Variants in CLEC12A observed in about 807,000 individuals in gnomAD.
CLEC12A encodes C-type lectin protein CLL-1.
In CLEC12A, 22 loss-of-function variants were observed where a neutral mutation model predicts 26.5. The ratio of observed to expected loss-of-function variants is 0.83; its 90% CI spans 0.59 to 1.19. The LOEUF is 1.19. Among genes scored for constraint, CLEC12A ranks in the 50% most tolerant of loss-of-function variants. The pLI is 0.00. For missense variants in CLEC12A, 353 were observed against 315.6 expected (o/e 1.12, Z -0.90); for synonymous variants, 119 against 101.9 (o/e 1.17, Z -1.01).
chr12:9,992,670 T>A (rs1339333229), intron 4 of CLEC12A: 1 of 152,644 alleles, frequency 6.6e-6, no homozygotes, highest in East Asian at 1.9e-4. Flanking sequence ...TGTTCATGAT[T>A]GTAATTTAGT....
In CLEC12A at chr12:9,985,214, A is replaced by G; in HGVS notation, c.*188A>G. The G allele has an allele frequency of 1.8e-6, 1 of 544,498 alleles. No homozygotes were observed. The highest frequency in any genetic ancestry group is 3.5e-5 in the East Asian group (1 of 28,880). 33.7% of individuals were successfully genotyped at this position (544,498 alleles called of 1,614,324 possible). A position where few individuals can be genotyped will look rare whatever the true frequency, so the allele number is the denominator to read the frequency against. ...GTGAATGTTAATGCCAGAGAGGTATAATGAAGCATGTCCCACCTCCCACTT... is the reference window on the plus strand; with the variant it reads ...GTGAATGTTAATGCCAGAGAGGTATGATGAAGCATGTCCCACCTCCCACTT... On this transcript the variant is annotated 3_prime_UTR_variant, in exon 6 of 6. Transcript: ENST00000304361.
upstream of CLEC12A, among the ~76,000 whole-genome samples, chr12:9,967,165 T>A (rs1373955631): frequency 6.6e-6 from 1 of 151,030 alleles, no homozygotes; most frequent in Non-Finnish European, 1.5e-5. Flanking sequence ...GTCACATGGG[T>A]TTGTAGAAAA....
At chr12:9,981,945 T>G in intron 4 of CLEC12A, 75 bp from the exon 5 acceptor site, 1 of 723,974 alleles carries the variant, frequency 1.4e-6, no homozygotes, top group Non-Finnish European at 2.3e-6. Flanking sequence ...CAGCAATTTG[T>G]AAGAAATTAC....
chr12:9,997,830 A>G (rs1018993505), downstream of CLEC12A, among the ~76,000 whole-genome samples: 10 of 152,222 alleles, frequency 6.6e-5, no homozygotes, highest in Admixed American at 5.2e-4. Flanking sequence ...GAATTACAGA[A>G]AGAAGAAATG....
At chr12:9,972,603 T>C (rs1306031405) in intron 1 of CLEC12A, among the ~76,000 whole-genome samples, 1 of 152,008 alleles carries the variant, frequency 6.6e-6, no homozygotes, top group Non-Finnish European at 1.5e-5. Flanking sequence ...GTGCCAAAAT[T>C]CTCACATATT....
chr12:9,977,666 C>T (rs1335354277), intron 1 of CLEC12A, among the ~76,000 whole-genome samples: 1 of 152,168 alleles, frequency 6.6e-6, no homozygotes, highest in Non-Finnish European at 1.5e-5. Flanking sequence ...CTCTGCACAA[C>T]ATCGCCAAAT....
exon 5 of CLEC12A, chr12:9,995,509 C>G (rs1865021744): frequency 2.5e-6 from 1 of 398,328 alleles, no homozygotes; most frequent in African/African-American, 2.1e-5. Context: ...GTATTTAGAT[C>G]TTCAACCAGT....
downstream of CLEC12A, chr12:9,986,264 C>A (rs1454755729): frequency 6.8e-6 from 2 of 294,018 alleles, no homozygotes; most frequent in Non-Finnish European, 1.4e-5. Context: ...AGGGTACCAA[C>A]TAAAAATACG....
chr12:9,998,204 G>C (rs546107809), downstream of CLEC12A: 5 of 1,077,138 alleles, frequency 4.6e-6, no homozygotes, highest in African/African-American at 7.8e-5. Flanking sequence ...AGCGACCATT[G>C]AGAAGCTTAG....
chr12:9,968,584 G>T (rs1591819263), upstream of CLEC12A, among the ~76,000 whole-genome samples: 1 of 152,150 alleles, frequency 6.6e-6, no homozygotes, highest in South Asian at 2.1e-4. Flanking sequence ...CTTTTGTGGT[G>T]GAATGTCATC....
intron 1 of CLEC12A, among the ~76,000 whole-genome samples, chr12:9,977,292 C>A (rs1864376666): frequency 6.6e-6 from 1 of 152,138 alleles, no homozygotes; most frequent in African/African-American, 2.4e-5. Context: ...CATACTGTAA[C>A]AGATTTCTTA....
downstream of CLEC12A, chr12:9,997,083 T>C (rs1261020680): frequency 1.9e-6 from 3 of 1,609,012 alleles, no homozygotes; most frequent in Non-Finnish European, 2.5e-6. Flanking sequence ...TCTGCAGATC[T>C]CAAACTCCCT....
At chr12:9,997,165 G>C (rs1368520868), downstream of CLEC12A, 1 of 1,613,900 alleles carries the variant, frequency 6.2e-7, no homozygotes. Flanking sequence ...CTTACTGAAA[G>C]TGCCCTTTAG....
intron 1 of CLEC12A, among the ~76,000 whole-genome samples, chr12:9,953,620 G>T (rs369842165): frequency 1.3e-5 from 2 of 150,834 alleles, no homozygotes; most frequent in Non-Finnish European, 3.0e-5. Flanking sequence ...CAGCCGCCCC[G>T]TCCGGGAGGT....
At chr12:9,986,010 T>A, downstream of CLEC12A, 1 of 262,524 alleles carries the variant, frequency 3.8e-6, no homozygotes, top group Non-Finnish European at 8.2e-6. Flanking sequence ...CCTCCTCTTC[T>A]GTGACAGTAG....
chr12:9,972,862 T>C (rs996799122), intron 1 of CLEC12A, among the ~76,000 whole-genome samples: 1 of 152,158 alleles, frequency 6.6e-6, no homozygotes, highest in Admixed American at 6.6e-5. Context: ...TTATATTTCT[T>C]CTTTTATACA....
chr12:9,954,419 T>C (rs1011640582), intron 1 of CLEC12A, among the ~76,000 whole-genome samples: 2 of 151,804 alleles, frequency 1.3e-5, no homozygotes, highest in East Asian at 3.9e-4. Flanking sequence ...TACCTGAGCC[T>C]GGGAGGTTGA....
the CLEC12A span, among the ~76,000 whole-genome samples, chr12:10,001,650 T>C: frequency 0.46 from 70,527 of 151,986 alleles, 16,810 homozygotes; most frequent in Non-Finnish European, 0.51. Flanking sequence ...TAAATGTAAG[T>C]TGAGTTACTC....
chr12:9,964,151 T>A (rs944570617), intron 1 of CLEC12A, among the ~76,000 whole-genome samples: 18 of 152,106 alleles, frequency 1.2e-4, no homozygotes. Flanking sequence ...AAAGGTTTTT[T>A]AAGTAAGTGT....
Sources: allele counts gnomAD v4.1 joint callset (sites outside exome capture counted in the v4.1 genomes callset), GRCh38; gene constraint gnomAD v4.1.1; transcripts MANE v1.5; gene names NCBI Gene and HGNC (gene_info 2026-07-23, HGNC 2026-07-21).